The following HPSE2 variants were observed in gnomAD, a reference collection of about 807,000 sequenced individuals.
HPSE2 encodes heparanase 2 (inactive).
HPSE2 carries 38 observed loss-of-function variants against 60.5 expected under a neutral mutation model. The ratio of observed to expected loss-of-function variants is 0.63; its 90% CI spans 0.48 to 0.82. The LOEUF (loss-of-function observed/expected upper bound fraction) is 0.82, where lower values mean the gene tolerates loss of function less well. HPSE2 is among the 40% of genes least tolerant of loss of function. The pLI is 0.00. For synonymous variants in HPSE2, 295 were observed against 293.2 expected, an observed-to-expected ratio of 1.01 and a Z score of -0.06; for missense variants, 713 against 740.4, an observed-to-expected ratio of 0.96 and a Z score of 0.43.
At chr10:98,481,095 T>C (rs186584706) in intron 11 of HPSE2, among the ~76,000 whole-genome samples, 188 of 152,298 alleles carry the variant, frequency 1.2e-3, no homozygotes, top group Non-Finnish European at 2.0e-3. Context: ...TTCCTGACAC[T>C]GGGCAGGCTC....
intron 3 of HPSE2, among the ~76,000 whole-genome samples, chr10:99,133,648 C>G (rs1845533125): frequency 6.6e-6 from 1 of 152,034 alleles, no homozygotes; most frequent in African/African-American, 2.4e-5. Context: ...AGCAGAGGGG[C>G]CTGACTGTCA....
At chr10:99,080,921 T>C (rs1376251456) in intron 3 of HPSE2, among the ~76,000 whole-genome samples, 1 of 152,374 alleles carries the variant, frequency 6.6e-6, no homozygotes, top group Admixed American at 6.5e-5. Context: ...ATGCTGACTG[T>C]AGAATATTTG....
At chr10:98,639,615 T>C (rs1946586350) in intron 7 of HPSE2, among the ~76,000 whole-genome samples, 1 of 152,230 alleles carries the variant, frequency 6.6e-6, no homozygotes, top group Admixed American at 6.5e-5. Flanking sequence ...TTAGCTCTTT[T>C]CCTTAAGTTT....
chr10:98,804,274 A>G (rs1565175361), intron 3 of HPSE2, among the ~76,000 whole-genome samples: 1 of 152,124 alleles, frequency 6.6e-6, no homozygotes, highest in Non-Finnish European at 1.5e-5. Context: ...GCAAAAATGG[A>G]CAAATGGGAT....
At chr10:98,519,120 T>G (rs1942701756) in intron 9 of HPSE2, among the ~76,000 whole-genome samples, 1 of 152,244 alleles carries the variant, frequency 6.6e-6, no homozygotes, top group Non-Finnish European at 1.5e-5. Context: ...ACATTCGGGC[T>G]AGGAGCAAGG....
At chr10:98,813,091 A>G (rs546547151) in intron 3 of HPSE2, among the ~76,000 whole-genome samples, 1 of 152,196 alleles carries the variant, frequency 6.6e-6, no homozygotes, top group South Asian at 2.1e-4. Flanking sequence ...CAGCCTCCCA[A>G]TTCTATTTAC....
At chr10:99,069,610 A>T (rs1004118620) in intron 3 of HPSE2, among the ~76,000 whole-genome samples, 1 of 150,858 alleles carries the variant, frequency 6.6e-6, no homozygotes, top group African/African-American at 2.4e-5. Context: ...CGCTCACTAC[A>T]GTTAGAGCTA....
chr10:99,173,229 C>T (rs1418721575), intron 2 of HPSE2, among the ~76,000 whole-genome samples: 2 of 151,930 alleles, frequency 1.3e-5, no homozygotes, highest in African/African-American at 4.8e-5. Flanking sequence ...AATAACATCC[C>T]GTCATAGTAT....
intron 9 of HPSE2, among the ~76,000 whole-genome samples, chr10:98,606,282 A>C (rs1945583694): frequency 6.6e-6 from 1 of 152,244 alleles, no homozygotes; most frequent in Non-Finnish European, 1.5e-5. Context: ...AAAAATAAAA[A>C]GGTAGTTAAT....
intron 3 of HPSE2, among the ~76,000 whole-genome samples, chr10:99,123,790 G>A (rs1954295): frequency 0.16 from 24,757 of 152,132 alleles, 2,397 homozygotes; most frequent in Admixed American, 0.24. Flanking sequence ...AGCAGTCCTA[G>A]TCACAGGCAA....
chr10:99,116,045 G>A (rs900094542), intron 3 of HPSE2, among the ~76,000 whole-genome samples: 10 of 152,046 alleles, frequency 6.6e-5, no homozygotes, highest in Admixed American at 2.0e-4. Flanking sequence ...ACCAACAAAT[G>A]TTCATCTAGT....
At chr10:99,115,912 T>C (rs1045993892) in intron 3 of HPSE2, among the ~76,000 whole-genome samples, 5 of 152,170 alleles carry the variant, frequency 3.3e-5, no homozygotes, top group Non-Finnish European at 5.9e-5. Context: ...GCATGGCCAT[T>C]GACTTTTACA....
intron 3 of HPSE2, among the ~76,000 whole-genome samples, chr10:98,918,703 T>G (rs1954194952): frequency 7.8e-6 from 1 of 129,026 alleles, no homozygotes; most frequent in African/African-American, 2.9e-5. Flanking sequence ...GGGGGAGGGA[T>G]AGCATTAGGA....
chr10:98,987,374 A>G (rs1450603353), intron 3 of HPSE2, among the ~76,000 whole-genome samples: 2 of 152,200 alleles, frequency 1.3e-5, no homozygotes, highest in Non-Finnish European at 2.9e-5. Context: ...TCCAGCATAT[A>G]AACAGAACCA....
chr10:99,054,000 T>C (rs1958052337), intron 3 of HPSE2, among the ~76,000 whole-genome samples: 1 of 151,644 alleles, frequency 6.6e-6, no homozygotes, highest in Admixed American at 6.6e-5. Context: ...CCTCCCAAAG[T>C]GCTAGGATTA....
rs73337430 is a variant in HPSE2, at chr10:99,198,292, A to G, written c.448+34056T>C. Among the ~76,000 whole-genome samples the G allele has an allele frequency of 1.8e-3, 267 of 152,324 alleles. 1 individual carries two copies. The highest frequency in any genetic ancestry group is 6.2e-3 in the African/African-American group (258 of 41,586). On this transcript the variant is annotated intron_variant, in intron 2 of 11. Coordinates refer to ENST00000370552, the MANE Select transcript of HPSE2 (RefSeq NM_021828.5). ...TTCTCAAGGTTTAATAAATGTTTAA[A>G]TGAAACAAACTATATTAAATATTTA...
chr10:98,600,875 G>GTATATA (rs372017642), intron 9 of HPSE2, among the ~76,000 whole-genome samples: 12 of 119,132 alleles, frequency 1.0e-4, no homozygotes, highest in South Asian at 2.6e-4. Flanking sequence ...ACGTATATAT[G>GTATATA]TATATATACA....
intron 9 of HPSE2, among the ~76,000 whole-genome samples, chr10:98,548,903 G>C (rs1378349346): frequency 6.6e-6 from 1 of 152,044 alleles, no homozygotes; most frequent in Non-Finnish European, 1.5e-5. Context: ...TCTTTTACTA[G>C]ATCCCTGTTG....
At chr10:99,061,215 T>C (rs543120518) in intron 3 of HPSE2, among the ~76,000 whole-genome samples, 2 of 152,218 alleles carry the variant, frequency 1.3e-5, no homozygotes, top group East Asian at 3.9e-4. Flanking sequence ...AATCCAGATG[T>C]TGAGAGGAAG....
Sources: allele counts gnomAD v4.1 joint callset (sites outside exome capture counted in the v4.1 genomes callset), GRCh38; gene constraint gnomAD v4.1.1; transcripts MANE v1.5; gene names NCBI Gene and HGNC (gene_info 2026-07-23, HGNC 2026-07-21).